ZNF729: variants seen among roughly 807,000 people sequenced by gnomAD.
ZNF729 encodes zinc finger protein 729.
ZNF729 carries 15 observed loss-of-function variants against 12.2 expected under a neutral mutation model. The ratio of observed to expected loss-of-function variants is 1.23; its 90% CI spans 0.82 to 1.89. The LOEUF is 1.89. Ranked by LOEUF, ZNF729 falls within the 40% of genes most tolerant of loss-of-function variation. The pLI is 0.00. For missense variants in ZNF729, 1,540 were observed against 1,456.7 expected (o/e 1.06, Z -0.93); for synonymous variants, 492 against 476.3 (o/e 1.03, Z -0.43).
At position 22,304,880 on chromosome 19, in the gene ZNF729, A is replaced by G. The variant is rs1968360141; in HGVS notation, c.253+97A>G. On this transcript the variant is annotated intron_variant, in intron 3 of 3. Transcript: ENST00000601693. The stretch of plus-strand genomic sequence containing the variant: ...AATGTGACCTGAGAAGCTGTGCTCC[A>G]AAGGAAGTAGTTTCTGGGAAGACTG... The G allele has an allele frequency of 3.1e-6, 4 of 1,276,772 alleles. No individual in the cohort carries two copies. In the South Asian group the frequency reaches 6.1e-5, roughly 20 times the overall value. 79.1% of individuals were successfully genotyped at this position (1,276,772 alleles called of 1,614,324 possible). A position where few individuals can be genotyped will look rare whatever the true frequency, so the allele number is the denominator to read the frequency against.
chr19:22,300,999 G>A (rs1023971632), intron 1 of ZNF729, among the ~76,000 whole-genome samples: 1 of 152,138 alleles, frequency 6.6e-6, no homozygotes, highest in Non-Finnish European at 1.5e-5. Context: ...CCAACTTATA[G>A]AGACATTAAA....
At chr19:22,313,005 G>T (rs751316766) in intron 3 of ZNF729, among the ~76,000 whole-genome samples, 1 of 149,682 alleles carries the variant, frequency 6.7e-6, no homozygotes, top group East Asian at 2.0e-4. Flanking sequence ...GAGCCACTGC[G>T]CCTGGCCATG....
chr19:22,315,286 T>G lies in ZNF729; in HGVS notation c.1869T>G (p.Thr623=), dbSNP rs1245874879. ...TTGCTAAACATAAGATAATTCATACTGGGAAGAAACCGTACAAATGTGAAG... is the reference window on the plus strand; with the variant it reads ...TTGCTAAACATAAGATAATTCATACGGGGAAGAAACCGTACAAATGTGAAG... ...SILAKHKIIH[T]GKKPYKCEEC... Residue 623 remains threonine, a synonymous_variant, in exon 4 of 4, where the codon ACT becomes ACG. Transcript: ENST00000601693. 6.2e-7 allele frequency: 1 copy of G among 1,613,098 alleles called. No individual in the cohort carries two copies. The highest frequency in any genetic ancestry group is 8.5e-7 in the Non-Finnish European group (1 of 1,179,666).
intron 3 of ZNF729, among the ~76,000 whole-genome samples, chr19:22,311,513 T>C (rs2145056067): frequency 6.6e-6 from 1 of 152,296 alleles, no homozygotes; most frequent in Non-Finnish European, 1.5e-5. Flanking sequence ...AAGGTTCCTT[T>C]TGGAGTTGAA....
rs753827319 is a variant in ZNF729 at position 22,314,712 on chromosome 19, A to G, written c.1295A>G (p.Tyr432Cys). 7.4e-6 allele frequency: 12 copies of G among 1,613,116 alleles called. No individual in the cohort carries two copies. The highest frequency in any genetic ancestry group is 6.6e-5 in the South Asian group (6 of 91,064). The change falls in exon 4 of 4, where the codon TAC becomes TGC. Residue 432 changes from tyrosine (Y) to cysteine (C), a missense_variant. By Grantham distance (194) the Tyr-to-Cys change is radical (BLOSUM62 -2). Coordinates refer to ENST00000601693, the MANE Select transcript of ZNF729 (RefSeq NM_001242680.2). ...HKIIHTGKKP[Y>C]KCEECGKAFN... ...ATAATTCATACTGGAAAGAAACCCT[A>G]CAAATGTGAAGAATGTGGCAAAGCT...
At chr19:22,295,468 G>A (rs1968218625) in intron 1 of ZNF729, among the ~76,000 whole-genome samples, 2 of 149,456 alleles carry the variant, frequency 1.3e-5, no homozygotes, top group East Asian at 2.0e-4. Flanking sequence ...TCCGCTCACT[G>A]CAAGCTCCGC....
intron 3 of ZNF729, among the ~76,000 whole-genome samples, chr19:22,305,313 ACT>A (rs1968364738): frequency 1.3e-5 from 2 of 151,784 alleles, no homozygotes; most frequent in African/African-American, 4.8e-5. Flanking sequence ...TAAATTATCT[ACT>A]CTCAGATATT....
rs148079081 is a variant in ZNF729, at chr19:22,291,459, C to T, written c.30+4904C>T. On this transcript the variant is annotated intron_variant, in intron 1 of 3. Coordinates refer to ENST00000601693, the MANE Select transcript of ZNF729 (RefSeq NM_001242680.2). Reference sequence around the variant, plus strand: ...ATAGGTACCACCCCCAGCAATTTCACTACGGCATTTTTGATCCTAGCGTTT... The same window carrying T: ...ATAGGTACCACCCCCAGCAATTTCATTACGGCATTTTTGATCCTAGCGTTT... Among the ~76,000 whole-genome samples the T allele has an allele frequency of 1.7e-3, 255 of 152,312 alleles. 1 individual carries two copies. Among genetic ancestry groups the T allele is most frequent in the African/African-American group, 5.9e-3 (244 of 41,578 alleles).
At chr19:22,295,143 C>T (rs1206189326) in intron 1 of ZNF729, among the ~76,000 whole-genome samples, 1 of 150,730 alleles carries the variant, frequency 6.6e-6, no homozygotes, top group African/African-American at 2.4e-5. Flanking sequence ...AGAGATTCTG[C>T]CAATTTTTAT....
In ZNF729 at chr19:22,314,792, C is replaced by G. The variant is rs898355615; in HGVS notation, c.1375C>G (p.Pro459Ala). Reference sequence around the variant, plus strand: ...TAAGATAATTCATACTGGGGAGAAACCATACAAATGTGAAGAATGTGGCAA... The same window carrying G: ...TAAGATAATTCATACTGGGGAGAAAGCATACAAATGTGAAGAATGTGGCAA... ...KHKIIHTGEK[P>A]YKCEECGKAF... The change falls in exon 4 of 4, where the codon CCA becomes GCA. Residue 459 changes from proline to alanine, a missense_variant. Transcript: ENST00000601693. 1 of 1,613,460 alleles carries G rather than the reference C, an allele frequency of 6.2e-7. No homozygotes were observed. The highest frequency in any genetic ancestry group is 8.5e-7 in the Non-Finnish European group (1 of 1,179,882).
Position 22,315,702 on chromosome 19 carries a change from A to G in ZNF729, c.2285A>G (p.His762Arg). 2 of 1,606,250 alleles carry G rather than the reference A, an allele frequency of 1.2e-6. No homozygotes were observed. Among genetic ancestry groups the G allele is most frequent in the Non-Finnish European group, 1.7e-6 (2 of 1,177,998 alleles). ...FSALRKHKVI[H>R]TREKLYKCEE... ...GCCCTTAGAAAACATAAGGTAATTC[A>G]TACTAGGGAGAAATTGTACAAATGT... The change falls in exon 4 of 4, where the codon CAT becomes CGT. Residue 762 changes from histidine to arginine, a missense_variant. Transcript: ENST00000601693.
Position 22,304,772 on chromosome 19 carries a change from C to A in ZNF729, c.242C>A (p.Thr81Asn). The A allele has an allele frequency of 6.2e-7, 1 of 1,612,848 alleles. No homozygotes were observed. The highest frequency in any genetic ancestry group is 8.5e-7 in the Non-Finnish European group (1 of 1,179,430). Residue 81 changes from threonine to asparagine, a missense_variant, in exon 3 of 4, where the codon ACT becomes AAT. Transcript: ENST00000601693. Reference sequence around the variant, plus strand: ...AATATGAAGAGACATGAGATGGTAACTAAACCCCCAGGTATGTGAGAGTGA... The same window carrying A: ...AATATGAAGAGACATGAGATGGTAAATAAACCCCCAGGTATGTGAGAGTGA... ...PWNMKRHEMV[T>N]KPPVMRSHFT...
rs1366018788 is a variant in ZNF729, at chr19:22,316,536, T to A, written c.3119T>A (p.Ile1040Lys). The A allele has an allele frequency of 1.2e-6, 2 of 1,613,584 alleles. No homozygotes were observed. Among genetic ancestry groups the A allele is most frequent in the South Asian group, 1.1e-5 (1 of 91,064 alleles). Residue 1040 changes from isoleucine (I) to lysine (K), a missense_variant, in exon 4 of 4, where the codon ATA becomes AAA. Physicochemically the swap from Ile to Lys is moderately radical, Grantham distance 102. Coordinates refer to ENST00000601693, the MANE Select transcript of ZNF729 (RefSeq NM_001242680.2). ...TTCTCAGCCCTTATGAAACATAAGATAATTCATACTGGGGAGAAACCCTAC... is the reference window on the plus strand; with the variant it reads ...TTCTCAGCCCTTATGAAACATAAGAAAATTCATACTGGGGAGAAACCCTAC... The part of the protein sequence containing the change: ...NNFSALMKHK[I>K]IHTGEKPYKC...
rs753572454 is a variant in ZNF729, at chr19:22,315,256, A to C, written c.1839A>C (p.Ser613=). 4.3e-6 allele frequency: 7 copies of C among 1,612,762 alleles called. No individual in the cohort carries two copies. The African/African-American group carries it at 8.0e-5, about 18-fold the overall frequency. Residue 613 remains serine (S), a synonymous_variant, in exon 4 of 4, where the codon TCA becomes TCC. Coordinates refer to ENST00000601693, the MANE Select transcript of ZNF729 (RefSeq NM_001242680.2). ...GTGGCAAAGCTTTTAACAATTCCTC[A>C]ATCCTTGCTAAACATAAGATAATTC... ...EECGKAFNNS[S]ILAKHKIIHT...
In ZNF729 at chr19:22,303,742, T is replaced by C. The variant is rs1968344916; in HGVS notation, c.31-16T>C. The C allele has an allele frequency of 2.0e-6, 3 of 1,534,414 alleles. No homozygotes were observed. Among genetic ancestry groups the C allele is most frequent in the Non-Finnish European group, 1.8e-6 (2 of 1,134,830 alleles). On this transcript the variant is annotated splice_polypyrimidine_tract_variant and intron_variant, in intron 1 of 3. Coordinates refer to ENST00000601693, the MANE Select transcript of ZNF729 (RefSeq NM_001242680.2). ...CACTTGGGAAATGTATATGTGTCTT[T>C]CGTTGTGTTTTTCAGGGACCATTGA...
rs751691107 is a variant in ZNF729, at chr19:22,315,755, T to G, written c.2338T>G (p.Phe780Val). The change falls in exon 4 of 4, where the codon TTC becomes GTC. Residue 780 changes from phenylalanine to valine, a missense_variant. Phe to Val is a conservative substitution (Grantham distance 50). Transcript: ENST00000601693. Reference sequence around the variant, plus strand: ...AGAATGTGTCAAAGCTTTTAACAGTTTCTCAGCCCTTATGAAACATAAGGT... The same window carrying G: ...AGAATGTGTCAAAGCTTTTAACAGTGTCTCAGCCCTTATGAAACATAAGGT... ...CEECVKAFNS[F>V]SALMKHKVIH... 2 of 1,608,630 alleles carry G rather than the reference T, an allele frequency of 1.2e-6. No individual in the cohort carries two copies. The highest frequency in any genetic ancestry group is 4.5e-5 in the East Asian group (2 of 44,776).
At chr19:22,287,061 A>T (rs1260067271) in intron 1 of ZNF729, among the ~76,000 whole-genome samples, 4 of 152,188 alleles carry the variant, frequency 2.6e-5, no homozygotes, top group Admixed American at 2.0e-4. Context: ...GATTTGACGG[A>T]AAGATTTTTT....
rs539636523 is a variant in ZNF729 at position 22,309,750 on chromosome 19, G to T, written c.254-3921G>T. Among the ~76,000 whole-genome samples the T allele has an allele frequency of 1.5e-4, 22 of 151,680 alleles. No individual in the cohort carries two copies. The South Asian group carries it at 4.2e-3, about 29-fold the overall frequency. ...TTTTTCTAATTCTGTGAAGAATGAT[G>T]ATGCTGTTTTGATGGGAACTGCATT... On this transcript the variant is annotated intron_variant, in intron 3 of 3. Coordinates refer to ENST00000601693, the MANE Select transcript of ZNF729 (RefSeq NM_001242680.2).
chr19:22,315,920 C>T lies in ZNF729; in HGVS notation c.2503C>T (p.His835Tyr). Reference protein sequence around the residue: ...KCEECGKAFKHFSALRKHKVI... With the variant: ...KCEECGKAFKYFSALRKHKVI... ...TGAAGAATGTGGCAAAGCTTTTAAG[C>T]ATTTCTCAGCCCTTAGAAAACATAA... The change falls in exon 4 of 4, where the codon CAT becomes TAT. Residue 835 changes from histidine to tyrosine, a missense_variant. By Grantham distance (83) the His-to-Tyr change is moderately conservative. Coordinates refer to ENST00000601693, the MANE Select transcript of ZNF729 (RefSeq NM_001242680.2). 6.2e-7 allele frequency: 1 copy of T among 1,609,760 alleles called. No homozygotes were observed.
Sources: gnomAD v4.1 joint callset for allele counts (sites outside exome capture counted in the v4.1 genomes callset) on GRCh38, gnomAD v4.1.1 for gene constraint, MANE v1.5 for transcripts, NCBI Gene and HGNC (gene_info 2026-07-23, HGNC 2026-07-21) for gene names.